The following GPC5 variants were observed in gnomAD, a reference collection of about 807,000 sequenced individuals.
The protein encoded by GPC5 is glypican-5.
In GPC5, 47 loss-of-function variants were observed where a neutral mutation model predicts 53.9. The observed-to-expected ratio is 0.87, with a 90% CI of 0.69 to 1.11. GPC5 has a LOEUF of 1.11. GPC5 is among the 50% of genes most tolerant of loss of function. The probability of loss-of-function intolerance (pLI) is 0.00; values close to 1 mark genes in which losing one functional copy is unlikely to be tolerated. For missense variants in GPC5, 748 were observed against 713.1 expected (o/e 1.05, Z -0.56); for synonymous variants, 286 against 263.3 (o/e 1.09, Z -0.84).
intron 7 of GPC5, among the ~76,000 whole-genome samples, chr13:92,640,622 G>A (rs1438791416): frequency 1.3e-5 from 2 of 152,090 alleles, no homozygotes; most frequent in East Asian, 3.9e-4. Context: ...GAAATGTCTG[G>A]CTCCAAGGCT....
At chr13:92,700,719 T>C (rs1288550347) in intron 7 of GPC5, among the ~76,000 whole-genome samples, 3 of 152,140 alleles carry the variant, frequency 2.0e-5, no homozygotes, top group Non-Finnish European at 2.9e-5. Context: ...TTTATGACCA[T>C]AGCTTGTCTC....
chr13:92,125,184 C>T (rs761748446), intron 6 of GPC5, among the ~76,000 whole-genome samples: 1 of 152,084 alleles, frequency 6.6e-6, no homozygotes, highest in Non-Finnish European at 1.5e-5. Flanking sequence ...AAAACTAAAG[C>T]CAACAACTGT....
At chr13:92,103,881 G>A (rs568385732) in intron 6 of GPC5, among the ~76,000 whole-genome samples, 1 of 152,266 alleles carries the variant, frequency 6.6e-6, no homozygotes, top group Admixed American at 6.5e-5. Context: ...TGCATGAGTT[G>A]CGATTCCCAG....
At chr13:92,270,155 G>A (rs1312781441) in intron 7 of GPC5, among the ~76,000 whole-genome samples, 1 of 152,126 alleles carries the variant, frequency 6.6e-6, no homozygotes, top group Non-Finnish European at 1.5e-5. Context: ...CTTGTTGATT[G>A]TAGTGAGCAA....
chr13:92,185,574 G>C (rs1479194692), intron 7 of GPC5, among the ~76,000 whole-genome samples: 1 of 151,852 alleles, frequency 6.6e-6, no homozygotes, highest in Admixed American at 6.6e-5. Context: ...ACTTCACAGA[G>C]CTGAGGCTCT....
intron 3 of GPC5, among the ~76,000 whole-genome samples, chr13:91,715,223 G>A (rs1044991502): frequency 2.6e-5 from 4 of 152,174 alleles, no homozygotes; most frequent in Non-Finnish European, 5.9e-5. Context: ...GTTTTAGCTA[G>A]TTGTTAATTT....
At chr13:92,812,665 T>C (rs958814442) in intron 7 of GPC5, among the ~76,000 whole-genome samples, 1 of 151,770 alleles carries the variant, frequency 6.6e-6, no homozygotes, top group African/African-American at 2.4e-5. Context: ...GAGGCAGAAG[T>C]AAAACTCTAT....
At chr13:92,207,453 C>A (rs981175865) in intron 7 of GPC5, among the ~76,000 whole-genome samples, 1 of 152,198 alleles carries the variant, frequency 6.6e-6, no homozygotes, top group Non-Finnish European at 1.5e-5. Flanking sequence ...AAGTTGAGAA[C>A]ATGTGGGGAA....
chr13:91,791,637 AACAATTACATGTTGATGTTTAATTACATC>A lies in GPC5; in HGVS notation c.1280+35219_1280+35247del, dbSNP rs1327788336. On this transcript the variant is annotated intron_variant, in intron 5 of 7. Transcript: ENST00000377067. ...TTACATGTTGATGTTTAATTACATCAACAATTACATGTTGATGTTTAATTACATCAACAATTGTATGAGGCAGCTCTCCG... is the reference window on the plus strand; with the variant it reads ...TTACATGTTGATGTTTAATTACATCAAACAATTGTATGAGGCAGCTCTCCG... Among the ~76,000 whole-genome samples the A allele has an allele frequency of 2.8e-4, 43 of 151,570 alleles. 1 individual carries two copies. The highest frequency in any genetic ancestry group is 5.3e-4 in the Admixed American group (8 of 15,218).
chr13:92,224,350 G>A (rs920551811), intron 7 of GPC5, among the ~76,000 whole-genome samples: 1 of 152,152 alleles, frequency 6.6e-6, no homozygotes, highest in Non-Finnish European at 1.5e-5. Context: ...CTTCAAAGTT[G>A]TATCAAAACT....
chr13:92,802,011 T>C (rs183570568), intron 7 of GPC5, among the ~76,000 whole-genome samples: 1,781 of 151,936 alleles, frequency 0.012, 18 homozygotes, highest in Non-Finnish European at 0.018. Flanking sequence ...ATTTATGAAG[T>C]CTACAGTAGT....
At chr13:92,848,202 A>G (rs1178012740) in intron 7 of GPC5, among the ~76,000 whole-genome samples, 1 of 152,196 alleles carries the variant, frequency 6.6e-6, no homozygotes, top group Non-Finnish European at 1.5e-5. Context: ...TATTTTTTAC[A>G]TTTATGATTT....
chr13:92,133,310 T>C (rs1034756400), intron 6 of GPC5, among the ~76,000 whole-genome samples: 2 of 152,184 alleles, frequency 1.3e-5, no homozygotes, highest in African/African-American at 4.8e-5. Flanking sequence ...TATGATGCTG[T>C]GCCATCTGGC....
At chr13:92,514,217 C>T (rs1354296192) in intron 7 of GPC5, among the ~76,000 whole-genome samples, 1 of 134,728 alleles carries the variant, frequency 7.4e-6, no homozygotes, top group Non-Finnish European at 1.5e-5. Context: ...GTAAAACACA[C>T]ACTATTTTAA....
intron 7 of GPC5, among the ~76,000 whole-genome samples, chr13:92,258,771 A>G (rs1287105717): frequency 6.6e-6 from 1 of 152,070 alleles, no homozygotes; most frequent in African/African-American, 2.4e-5. Flanking sequence ...CTGAGTTTCT[A>G]TTTTTTATCC....
In GPC5 at chr13:91,733,223, G is replaced by T. The variant is rs186055112; in HGVS notation, c.1154+4558G>T. Among the ~76,000 whole-genome samples the T allele has an allele frequency of 4.3e-3, 649 of 152,094 alleles. 9 individuals are homozygous for T. The highest frequency in any genetic ancestry group is 6.4e-3 in the Non-Finnish European group (432 of 67,978). ...ACAGTCTCGGCTCACTGCAACCTCC[G>T]CCTCCCAGGTTCAAGCAATTCTCCT... is the stretch of plus-strand genomic sequence containing the variant. On this transcript the variant is annotated intron_variant, in intron 4 of 7. Coordinates refer to ENST00000377067, the MANE Select transcript of GPC5 (RefSeq NM_004466.6).
At chr13:92,741,769 A>G (rs959318877) in intron 7 of GPC5, among the ~76,000 whole-genome samples, 10 of 151,816 alleles carry the variant, frequency 6.6e-5, no homozygotes, top group Non-Finnish European at 1.3e-4. Flanking sequence ...CCGGTGTGTG[A>G]TGTTCCCCTT....
intron 2 of GPC5, among the ~76,000 whole-genome samples, chr13:91,511,809 A>G (rs934237831): frequency 1.3e-5 from 2 of 151,852 alleles, no homozygotes; most frequent in African/African-American, 4.8e-5. Flanking sequence ...GTCTTGTATG[A>G]TAATGTATAC....
At chr13:92,269,499 G>A (rs1465275648) in intron 7 of GPC5, among the ~76,000 whole-genome samples, 1 of 151,902 alleles carries the variant, frequency 6.6e-6, no homozygotes, top group Non-Finnish European at 1.5e-5. Context: ...TCCGCCTCCC[G>A]GGTTCAAGCA....
Sources: gnomAD v4.1 joint callset for allele counts (sites outside exome capture counted in the v4.1 genomes callset) on GRCh38, gnomAD v4.1.1 for gene constraint, MANE v1.5 for transcripts, NCBI Gene and HGNC (gene_info 2026-07-23, HGNC 2026-07-21) for gene names.